GANAB: variants seen among roughly 807,000 people sequenced by gnomAD.
GANAB encodes glucosidase II alpha subunit.
GANAB carries 35 observed loss-of-function variants against 129.9 expected under a neutral mutation model. The observed-to-expected ratio is 0.27, with a 90% confidence interval of 0.21 to 0.36. The LOEUF (loss-of-function observed/expected upper bound fraction) is 0.36. GANAB is among the 10% of genes least tolerant of loss of function. The probability of loss-of-function intolerance (pLI) is 1.00; values close to 1 mark genes in which losing one functional copy is unlikely to be tolerated. For missense variants in GANAB, 939 were observed against 1,221.0 expected (o/e 0.77, Z 3.44); for synonymous variants, 482 against 451.8 (o/e 1.07, Z -0.85).
chr11:62,637,184 A>G (rs1304863025), intron 4 of GANAB, among the ~76,000 whole-genome samples: 11 of 152,344 alleles, frequency 7.2e-5, no homozygotes, highest in East Asian at 1.9e-4. Context: ...TGGAACAGAA[A>G]AAGAACATAC....
rs540143244 is a variant in GANAB, at chr11:62,635,229, G to A, written c.381-229C>T. 5.9e-5 allele frequency among the ~76,000 whole-genome samples: 9 copies of A among 151,514 alleles called. No homozygotes were observed. In the South Asian group the frequency reaches 1.7e-3, roughly 28 times the overall value. On this transcript the variant is annotated intron_variant, in intron 4 of 23. Coordinates refer to ENST00000356638, the MANE Select transcript of GANAB (RefSeq NM_198334.3). The stretch of plus-strand genomic sequence containing the variant: ...GACGGAGTTTCACTCTTGTTGCCCA[G>A]GCTGGAGTGCAATGGCGCAATCTCG...
rs774955469 is a variant in GANAB at position 62,629,266 on chromosome 11, C to T, written c.1864G>A (p.Glu622Lys). 1.8e-5 allele frequency: 29 copies of T among 1,613,290 alleles called. No homozygotes were observed. Among genetic ancestry groups the T allele is most frequent in the Middle Eastern group, 3.3e-4 (2 of 6,062 alleles). The part of the protein sequence containing the change: ...GAVWTGDNTA[E>K]WDHLKISIPM... ...ATAGAGATCTTCAAATGGTCCCACT[C>T]GGCAGTGTTGTCCCCTGTCCACACG... The change falls in exon 16 of 24, where the codon GAG becomes AAG. Residue 622 changes from glutamate (E) to lysine (K), a missense_variant. Coordinates refer to ENST00000356638, the MANE Select transcript of GANAB (RefSeq NM_198334.3).
intron 1 of GANAB, among the ~76,000 whole-genome samples, chr11:62,645,303 G>A (rs1944429398): frequency 6.6e-6 from 1 of 152,102 alleles, no homozygotes. Flanking sequence ...TTGGGAGGCC[G>A]AGGCGGGTGG....
At chr11:62,645,146 C>T (rs1454902576) in intron 1 of GANAB, among the ~76,000 whole-genome samples, 2 of 152,144 alleles carry the variant, frequency 1.3e-5, no homozygotes, top group African/African-American at 2.4e-5. Context: ...GCAAGGCATG[C>T]GGCACAGGTC....
In GANAB at chr11:62,625,541, T is replaced by C. The variant is rs1943326464; in HGVS notation, c.*274A>G. On this transcript the variant is annotated 3_prime_UTR_variant, in exon 24 of 24. Coordinates refer to ENST00000356638, the MANE Select transcript of GANAB (RefSeq NM_198334.3). Reference sequence around the variant, plus strand: ...CGACAAGGGCCCTGTGGTTTCCTGGTGTTCGTAAGTGAATGTGCTCCAGTT... The same window carrying C: ...CGACAAGGGCCCTGTGGTTTCCTGGCGTTCGTAAGTGAATGTGCTCCAGTT... 3 of 489,304 alleles carry C rather than the reference T, an allele frequency of 6.1e-6. No homozygotes were observed. Among genetic ancestry groups the C allele is most frequent in the Non-Finnish European group, 1.1e-5 (3 of 267,020 alleles). The allele number at this position is 489,304 out of a possible 1,614,324, so 30.3% of individuals were successfully genotyped here. A position where few individuals can be genotyped will look rare whatever the true frequency, so the allele number is the denominator to read the frequency against.
At chr11:62,632,209 G>C (rs1014919905) in intron 9 of GANAB, among the ~76,000 whole-genome samples, 1 of 150,714 alleles carries the variant, frequency 6.6e-6, no homozygotes, top group African/African-American at 2.4e-5. Context: ...TCTGACCTCA[G>C]GTGATCCGCC....
At position 62,639,024 on chromosome 11, in the gene GANAB, G is replaced by A. The variant is rs1294904783; in HGVS notation, c.339C>T (p.Tyr113=). The change falls in exon 4 of 24, where the codon TAC becomes TAT. Residue 113 remains tyrosine, a synonymous_variant. Transcript: ENST00000356638. ...CAGCCACCAAAACATCTGGTACACG[G>A]TATCGGGGTCGCCGAGGCTCCAGCT... is the stretch of plus-strand genomic sequence containing the variant. ...IDELEPRRPR[Y]RVPDVLVADP... 2 of 1,614,058 alleles carry A rather than the reference G, an allele frequency of 1.2e-6. No individual in the cohort carries two copies. Among genetic ancestry groups the A allele is most frequent in the Non-Finnish European group, 1.7e-6 (2 of 1,179,958 alleles).
chr11:62,626,729 C>A (rs756230386), intron 20 of GANAB, 45 bp from the exon 21 acceptor site: 3 of 1,406,308 alleles, frequency 2.1e-6, no homozygotes, highest in African/African-American at 1.4e-5. Flanking sequence ...CCTTGTCCAA[C>A]CTTGGGCCCC....
chr11:62,634,602 G>A (rs1943850616), intron 5 of GANAB: 1 of 614,886 alleles, frequency 1.6e-6, no homozygotes, highest in South Asian at 2.0e-5. Context: ...GAGATGCCCA[G>A]GGTACAGCTC....
At position 62,639,387 on chromosome 11, in the gene GANAB, G is replaced by C. The variant is rs748477839; in HGVS notation, c.224C>G (p.Thr75Arg). ...DSLQLGPDSL[T>R]VHLIHEVTKV... ...GGTGACCTCATGGATCAGATGGACC[G>C]TGAGGGAATCAGGACCAAGCTGTAG... The change falls in exon 3 of 24, where the codon ACG becomes AGG. Residue 75 changes from threonine to arginine, a missense_variant. Physicochemically the swap from Thr to Arg is moderately conservative, Grantham distance 71. Around this residue, in one of 5 missense-constraint regions of GANAB, gnomAD observed 321 missense variants for 329.1 expected, o/e 0.98. Transcript: ENST00000356638. The C allele has an allele frequency of 2.5e-6, 4 of 1,610,582 alleles. No homozygotes were observed. Among genetic ancestry groups the C allele is most frequent in the Non-Finnish European group, 3.4e-6 (4 of 1,177,070 alleles).
At chr11:62,645,694 G>A (rs1482169509) in intron 1 of GANAB, among the ~76,000 whole-genome samples, 1 of 152,160 alleles carries the variant, frequency 6.6e-6, no homozygotes, top group Non-Finnish European at 1.5e-5. Flanking sequence ...ATTCACGGCG[G>A]CCTTGACCAC....
In GANAB at chr11:62,626,856, T is replaced by G; in HGVS notation, c.2397+4A>C. The G allele has an allele frequency of 6.2e-7, 1 of 1,604,288 alleles. No individual in the cohort carries two copies. Among genetic ancestry groups the G allele is most frequent in the Non-Finnish European group, 8.5e-7 (1 of 1,171,704 alleles). ...GAACCGGCAGCCAGACCAGGCTTAC[T>G]CACACTGCTTAGAGTTACAGGCAGG... On this transcript the variant is annotated splice_donor_region_variant and intron_variant, in intron 20 of 23. Transcript: ENST00000356638.
rs148247228 is a variant in GANAB, at chr11:62,646,103, G to A, written c.38+459C>T. Among the ~76,000 whole-genome samples, 624 of 152,308 alleles carry A rather than the reference G, an allele frequency of 4.1e-3. 4 individuals carry two copies. Among genetic ancestry groups the A allele is most frequent in the African/African-American group, 0.014 (590 of 41,578 alleles). On this transcript the variant is annotated intron_variant, in intron 1 of 23. Coordinates refer to ENST00000356638, the MANE Select transcript of GANAB (RefSeq NM_198334.3). ...GCAGAGGAGGATTCGGAGCTCTACA[G>A]GGTAGAGCCAGAAGGGTAGTACAGG... is the stretch of plus-strand genomic sequence containing the variant.
chr11:62,635,747 T>G (rs567913944), intron 4 of GANAB, among the ~76,000 whole-genome samples: 5 of 151,500 alleles, frequency 3.3e-5, no homozygotes, highest in African/African-American at 9.7e-5. Flanking sequence ...TGACTCAGCC[T>G]CCCTAGTAAC....
At chr11:62,641,115 G>A (rs1021065761) in intron 1 of GANAB, among the ~76,000 whole-genome samples, 10 of 151,980 alleles carry the variant, frequency 6.6e-5, no homozygotes, top group South Asian at 4.2e-4. Context: ...AGGCTGAGGC[G>A]GGTGGATCAC....
intron 1 of GANAB, among the ~76,000 whole-genome samples, chr11:62,640,292 G>A (rs1337929648): frequency 7.4e-6 from 1 of 135,274 alleles, no homozygotes; most frequent in African/African-American, 2.8e-5. Flanking sequence ...CCAGCACTCT[G>A]GGAGGCTGAA....
In GANAB at chr11:62,632,752, G is replaced by GCAAA. The variant is rs1565098759; in HGVS notation, c.816-11_816-8dup. On this transcript the variant is annotated splice_polypyrimidine_tract_variant and splice_region_variant and intron_variant, in intron 8 of 23. Coordinates refer to ENST00000356638, the MANE Select transcript of GANAB (RefSeq NM_198334.3). ...GCGATATGGCTCCCCACCCCTGCAG[G>GCAAA]CAAACAGACAGACTTGGGCTGCTAA... 1 of 1,610,438 alleles carries GCAAA rather than the reference G, an allele frequency of 6.2e-7. No homozygotes were observed. Among genetic ancestry groups the GCAAA allele is most frequent in the South Asian group, 1.1e-5 (1 of 90,932 alleles).
intron 17 of GANAB, among the ~76,000 whole-genome samples, chr11:62,627,715 CGA>C (rs1461816808): frequency 2.0e-5 from 3 of 151,002 alleles, no homozygotes; most frequent in Admixed American, 6.6e-5. Context: ...GCCTGGGGGA[CGA>C]GAGTGAGACT....
chr11:62,646,517 A>G, intron 1 of GANAB, 45 bp downstream of exon 1: 3 of 1,604,120 alleles, frequency 1.9e-6, no homozygotes, highest in Non-Finnish European at 8.5e-7. Context: ...GACTTGGGGG[A>G]TCTGGGGGCG....
Sources: gnomAD v4.1 joint callset for allele counts (sites outside exome capture counted in the v4.1 genomes callset) on GRCh38, gnomAD v4.1.1 for gene constraint, gnomAD v4.1.1 regional missense constraint, MANE v1.5 for transcripts, NCBI Gene and HGNC (gene_info 2026-07-23, HGNC 2026-07-21) for gene names.